Variants in SLC4A4 observed in about 807,000 individuals in gnomAD.
SLC4A4 encodes the protein electrogenic sodium bicarbonate cotransporter 1.
Under a neutral mutation model 111.5 loss-of-function variants are expected in SLC4A4, and 27 were observed. The observed-to-expected ratio is 0.24, with a 90% CI of 0.18 to 0.33. The LOEUF is 0.33. SLC4A4 is among the 10% of genes least tolerant of loss of function. SLC4A4 has a pLI of 1.00. For synonymous variants in SLC4A4, 443 were observed against 463.4 expected, an observed-to-expected ratio of 0.96 and a Z score of 0.57; for missense variants, 909 against 1,315.5, an observed-to-expected ratio of 0.69 and a Z score of 4.78.
intron 2 of SLC4A4, among the ~76,000 whole-genome samples, chr4:71,165,863 A>G (rs1744730362): frequency 6.6e-6 from 1 of 152,008 alleles, no homozygotes. Context: ...GCGTTAGTTT[A>G]CTTTTTGGAA....
intron 2 of SLC4A4, among the ~76,000 whole-genome samples, chr4:71,163,923 C>A (rs1161863116): frequency 1.3e-5 from 2 of 152,216 alleles, no homozygotes; most frequent in African/African-American, 4.8e-5. Flanking sequence ...TGAAATATAA[C>A]AAGCCCCTAC....
chr4:71,347,495 G>A (rs574840028), intron 4 of SLC4A4, among the ~76,000 whole-genome samples: 5 of 152,198 alleles, frequency 3.3e-5, no homozygotes, highest in African/African-American at 7.2e-5. Flanking sequence ...GTGTCTTTAC[G>A]TGGTGGAAGG....
intron 3 of SLC4A4, among the ~76,000 whole-genome samples, chr4:71,317,311 A>G (rs1298817227): frequency 6.6e-6 from 1 of 152,140 alleles, no homozygotes; most frequent in African/African-American, 2.4e-5. Context: ...TATGCATTTC[A>G]TCTGACTCTT....
At chr4:71,507,236 A>T (rs1028496271) in intron 16 of SLC4A4, among the ~76,000 whole-genome samples, 1 of 152,210 alleles carries the variant, frequency 6.6e-6, no homozygotes, top group African/African-American at 2.4e-5. Flanking sequence ...TCAAATCCAT[A>T]CATAACAATT....
At chr4:71,296,951 A>G (rs1720738523) in intron 3 of SLC4A4, among the ~76,000 whole-genome samples, 1 of 152,186 alleles carries the variant, frequency 6.6e-6, no homozygotes, top group Non-Finnish European at 1.5e-5. Flanking sequence ...AAAATCCTCT[A>G]ATCTTCTATT....
intron 7 of SLC4A4, chr4:71,437,772 C>T (rs916422245): frequency 1.1e-5 from 3 of 274,866 alleles, no homozygotes; most frequent in Non-Finnish European, 2.2e-5. Flanking sequence ...GCTTGACAGT[C>T]ACCATCTTGG....
intron 16 of SLC4A4, among the ~76,000 whole-genome samples, chr4:71,514,413 C>G (rs1732196310): frequency 6.6e-6 from 1 of 152,136 alleles, no homozygotes; most frequent in Non-Finnish European, 1.5e-5. Context: ...TGAGGCCTCC[C>G]CAGCCATGCT....
At chr4:71,564,850 A>G (rs1453456) in intron 24 of SLC4A4, among the ~76,000 whole-genome samples, 138,244 of 151,842 alleles carry the variant, frequency 0.91, 64,053 homozygotes, top group Non-Finnish European at 0.99. Flanking sequence ...AACAAATTAC[A>G]ATAAAACTCA....
chr4:71,217,657 C>T (rs7689609), intron 1 of SLC4A4, among the ~76,000 whole-genome samples: 95,619 of 152,174 alleles, frequency 0.63, 37,214 homozygotes, highest in Non-Finnish European at 0.86. Context: ...TATATGGTTG[C>T]TTTTCAAAGA....
At chr4:71,542,369 C>T (rs750094353) in intron 18 of SLC4A4, among the ~76,000 whole-genome samples, 1 of 151,984 alleles carries the variant, frequency 6.6e-6, no homozygotes, top group South Asian at 2.1e-4. Context: ...CCCAATATAC[C>T]GTTTATAGTC....
intron 2 of SLC4A4, among the ~76,000 whole-genome samples, chr4:71,149,794 A>G (rs1425235817): frequency 6.6e-6 from 1 of 152,166 alleles, no homozygotes; most frequent in Admixed American, 6.5e-5. Flanking sequence ...TTCTGTTCTT[A>G]TCACCATGAA....
intron 8 of SLC4A4, among the ~76,000 whole-genome samples, chr4:71,441,539 T>C (rs1724712153): frequency 6.6e-6 from 1 of 152,258 alleles, no homozygotes; most frequent in South Asian, 2.1e-4. Context: ...GGGAGTTGTT[T>C]TCTGTGGGTT....
At chr4:71,090,164 C>A (rs145492698) in intron 1 of SLC4A4, among the ~76,000 whole-genome samples, 1 of 151,778 alleles carries the variant, frequency 6.6e-6, no homozygotes, top group Non-Finnish European at 1.5e-5. Context: ...TAGCAATGAG[C>A]GAGGCTCCGT....
At chr4:71,500,606 C>T (rs1730830300) in intron 16 of SLC4A4, among the ~76,000 whole-genome samples, 1 of 152,170 alleles carries the variant, frequency 6.6e-6, no homozygotes, top group African/African-American at 2.4e-5. Context: ...AGGTGTGAGC[C>T]ACCCTGCGTG....
intron 1 of SLC4A4, among the ~76,000 whole-genome samples, chr4:71,190,108 T>G (rs1046984783): frequency 2.0e-5 from 3 of 152,174 alleles, no homozygotes; most frequent in African/African-American, 7.2e-5. Context: ...TAGTAAGACT[T>G]TACAAAACTG....
intron 3 of SLC4A4, among the ~76,000 whole-genome samples, chr4:71,325,544 C>T (rs1260713989): frequency 1.3e-5 from 2 of 151,908 alleles, no homozygotes; most frequent in Non-Finnish European, 2.9e-5. Context: ...AGACTCTTCC[C>T]TTAGAGTTGC....
At chr4:71,420,498 A>G (rs1344723658) in intron 7 of SLC4A4, among the ~76,000 whole-genome samples, 2 of 151,818 alleles carry the variant, frequency 1.3e-5, no homozygotes, top group Non-Finnish European at 2.9e-5. Context: ...CCACAAAGAT[A>G]CTCCTCGAGA....
intron 2 of SLC4A4, among the ~76,000 whole-genome samples, chr4:71,149,225 T>G (rs186868979): frequency 7.2e-4 from 110 of 152,278 alleles, no homozygotes; most frequent in African/African-American, 2.6e-3. Flanking sequence ...TTCTCATTAT[T>G]TTTTAGAAGA....
intron 1 of SLC4A4, among the ~76,000 whole-genome samples, chr4:71,092,183 A>G (rs1176342970): frequency 2.0e-5 from 3 of 152,200 alleles, no homozygotes; most frequent in African/African-American, 7.2e-5. Flanking sequence ...TGTAAACAGG[A>G]ACTGGCAAAC....
Sources: gnomAD v4.1 joint callset for allele counts (sites outside exome capture counted in the v4.1 genomes callset) on GRCh38, gnomAD v4.1.1 for gene constraint, MANE v1.5 for transcripts, NCBI Gene and HGNC (gene_info 2026-07-23, HGNC 2026-07-21) for gene names.